The following CIITA variants were observed in gnomAD, a reference collection of about 807,000 sequenced individuals.
CIITA encodes the protein MHC class II transactivator.
CIITA carries 72 observed loss-of-function variants against 115.1 expected under a neutral mutation model. That is an observed-to-expected ratio of 0.63 (90% confidence interval 0.52 to 0.76). CIITA has a LOEUF of 0.76. CIITA is among the 30% of genes least tolerant of loss of function. The pLI, the probability that CIITA is intolerant of heterozygous loss-of-function variation, is 0.00. For missense variants in CIITA, 1,617 were observed against 1,463.8 expected (o/e 1.10, Z -1.71); for synonymous variants, 763 against 635.6 (o/e 1.20, Z -3.02).
At chr16:10,940,108 G>GCC (rs2041081683), downstream of CIITA, 1 of 152,220 alleles carries the variant, frequency 6.6e-6, no homozygotes. The surrounding 1 kb of genome is among the most constrained non-coding windows in gnomAD (Gnocchi z 4.2). Context: ...CATTAGGAGA[G>GCC]CCCTCTGCCG....
intron 13 of CIITA, among the ~76,000 whole-genome samples, chr16:10,912,990 G>A (rs143038708): frequency 7.9e-5 from 12 of 152,360 alleles, no homozygotes; most frequent in African/African-American, 2.6e-4. Context: ...CAGGGACTTC[G>A]TTTGTACACA....
intron 1 of CIITA, among the ~76,000 whole-genome samples, chr16:10,891,282 G>A (rs907617056): frequency 4.0e-5 from 6 of 151,780 alleles, no homozygotes; most frequent in East Asian, 1.9e-4. Flanking sequence ...CAGGGGGAGT[G>A]GGGGAGAAGG....
chr16:10,913,942 A>AAAATAAATAAAT (rs59779472), intron 13 of CIITA, among the ~76,000 whole-genome samples: 13,632 of 132,986 alleles, frequency 0.1, 1,135 homozygotes, highest in Admixed American at 0.28. Flanking sequence ...CCCCATCTCA[A>AAAATAAATAAAT]AAATAAATAA....
In CIITA at chr16:10,916,425, A is replaced by G; in HGVS notation, c.3028A>G (p.Thr1010Ala). Reference protein sequence around the residue: ...GDEGVSQLSATFPQLKSLETL... With the variant: ...GDEGVSQLSAAFPQLKSLETL... ...CGAGGGTGTCTCGCAGCTCTCAGCC[A>G]CCTTCCCCCAGCTGAAGTCCTTGGA... Residue 1010 changes from threonine (T) to alanine (A), a missense_variant, in exon 15 of 20, where the codon ACC (threonine) becomes GCC (alanine). Coordinates refer to ENST00000324288, the MANE Select transcript of CIITA (RefSeq NM_000246.4). 6.2e-7 allele frequency: 1 copy of G among 1,613,146 alleles called. No individual in the cohort carries two copies.
At chr16:10,866,371 G>C (rs749818102) in intron 1 of CIITA, 1 of 567,998 alleles carries the variant, frequency 1.8e-6, no homozygotes, top group Non-Finnish European at 3.5e-6. Flanking sequence ...GGCCCTCTTG[G>C]ACAACCTGCT....
intron 1 of CIITA, among the ~76,000 whole-genome samples, chr16:10,870,352 T>C (rs928342763): frequency 1.3e-5 from 2 of 152,128 alleles, no homozygotes; most frequent in South Asian, 2.1e-4. Flanking sequence ...GAAAGCCCAG[T>C]TCTGGAGATG....
intron 1 of CIITA, among the ~76,000 whole-genome samples, chr16:10,894,589 T>C (rs986261836): frequency 3.9e-5 from 6 of 152,364 alleles, no homozygotes; most frequent in Admixed American, 6.5e-5. Flanking sequence ...TGGGATTGTT[T>C]AAAGATTAAA....
At position 10,924,116 on chromosome 16, in the gene CIITA, C is replaced by T. The variant is rs45447897; in HGVS notation, c.*261C>T. The T allele has an allele frequency of 0.01, 1,595 of 152,574 alleles. 16 individuals are homozygous for T. Among genetic ancestry groups the T allele is most frequent in the Non-Finnish European group, 0.018 (1,204 of 68,202 alleles). The allele number at this position is 152,574 out of a possible 1,614,324, so 9.5% of individuals were successfully genotyped here. A position where few individuals can be genotyped will look rare whatever the true frequency, so the allele number is the denominator to read the frequency against. On this transcript the variant is annotated 3_prime_UTR_variant, in exon 20 of 20. Transcript: ENST00000324288. ...GATGCCTGGTGGCAGCTGCGGTCCA[C>T]CCAGGAGCCCCGAGGCCTTCTCTGA... is the stretch of plus-strand genomic sequence containing the variant.
chr16:10,903,669 C>T (rs1355911380), intron 8 of CIITA, 62 bp from the exon 9 acceptor site: 1 of 1,586,148 alleles, frequency 6.3e-7, no homozygotes, highest in Non-Finnish European at 8.7e-7. Flanking sequence ...TAGGGGTGAC[C>T]CAAGTGCATT....
chr16:10,915,545 C>T, intron 13 of CIITA, 25 bp from the exon 14 acceptor site: 1 of 1,594,718 alleles, frequency 6.3e-7, no homozygotes, highest in Non-Finnish European at 8.6e-7. Context: ...GACTGGAGGT[C>T]TTACCCTTGC....
chr16:10,913,581 T>G (rs1220599098), intron 13 of CIITA: 3 of 149,216 alleles, frequency 2.0e-5, no homozygotes, highest in Non-Finnish European at 4.4e-5. Context: ...CCCAAAGTGC[T>G]GGGATTACAG....
intron 1 of CIITA, among the ~76,000 whole-genome samples, chr16:10,890,658 T>A (rs1356188499): frequency 1.3e-5 from 2 of 152,150 alleles, no homozygotes; most frequent in African/African-American, 2.4e-5. Context: ...AAGCTCGGCT[T>A]CACAAAGTTT....
In CIITA at chr16:10,907,750, G is replaced by T; in HGVS notation, c.2258G>T (p.Gly753Val). 1 of 1,614,264 alleles carries T rather than the reference G, an allele frequency of 6.2e-7. No homozygotes were observed. The highest frequency in any genetic ancestry group is 2.2e-5 in the East Asian group (1 of 44,886). ...KKRPYDNWLE[G>V]VPRFLAGLIF... is the part of the protein sequence containing the mutation. ...AGGCCCTATGACAACTGGCTGGAGG[G>T]CGTGCCACGCTTTCTGGCTGGGCTG... The change falls in exon 11 of 20, where the codon GGC becomes GTC. Residue 753 changes from glycine to valine, a missense_variant. Transcript: ENST00000324288. This position sits in a 1 kb window ranked among gnomAD's most constrained non-coding sequence, Gnocchi z 5.0.
chr16:10,905,962 C>A (rs755891797), intron 10 of CIITA, among the ~76,000 whole-genome samples: 1 of 151,848 alleles, frequency 6.6e-6, no homozygotes, highest in African/African-American at 2.4e-5. Flanking sequence ...CAAGGCGGAA[C>A]GATTGCTTGA....
intron 18 of CIITA, among the ~76,000 whole-genome samples, 177 bp downstream of exon 18, chr16:10,922,667 T>C (rs1005231464): frequency 1.3e-5 from 2 of 152,074 alleles, no homozygotes; most frequent in African/African-American, 4.8e-5. Context: ...AGTAATAATA[T>C]CCACCCAAGA....
chr16:10,913,920 GAC>G (rs1458062567), intron 13 of CIITA, among the ~76,000 whole-genome samples: 2 of 127,982 alleles, frequency 1.6e-5, no homozygotes, highest in African/African-American at 6.0e-5. Context: ...CAGCTTGGAT[GAC>G]AGAGTGAGAC....
At chr16:10,917,504 C>T (rs1194686743) in intron 15 of CIITA, among the ~76,000 whole-genome samples, 1 of 138,516 alleles carries the variant, frequency 7.2e-6, no homozygotes, top group Non-Finnish European at 1.5e-5. Context: ...TTTTTTGACA[C>T]GGAGTCTCGC....
rs774354675 is a variant in CIITA, at chr16:10,901,995, C to T, written c.482-43C>T. The T allele has an allele frequency of 3.0e-5, 49 of 1,612,302 alleles. No individual in the cohort carries two copies. The highest frequency in any genetic ancestry group is 3.9e-5 in the Non-Finnish European group (46 of 1,179,794). Reference sequence around the variant, plus strand: ...AGGGCCCTCCCCATCCCAGGAAGGCCCCTCCAAGCACCCAGTCTCTAACAC... The same window carrying T: ...AGGGCCCTCCCCATCCCAGGAAGGCTCCTCCAAGCACCCAGTCTCTAACAC... On this transcript the variant is annotated intron_variant, in intron 6 of 19. Coordinates refer to ENST00000324288, the MANE Select transcript of CIITA (RefSeq NM_000246.4). This position sits in a 1 kb window ranked among gnomAD's most constrained non-coding sequence, Gnocchi z 6.8.
rs761243126 is a variant in CIITA, at chr16:10,922,181, G to A, written c.3164G>A (p.Cys1055Tyr). ...SLLRLSLYNNCICDVGAESLA... is the reference protein window; with the variant it reads ...SLLRLSLYNNYICDVGAESLA... ...GTTTCCGACAGCTTGTACAATAACT[G>A]CATCTGCGACGTGGGAGCCGAGAGC... is the stretch of plus-strand genomic sequence containing the variant. The change falls in exon 17 of 20, where the codon TGC becomes TAC. Residue 1055 changes from cysteine to tyrosine, a missense_variant. Transcript: ENST00000324288. The A allele has an allele frequency of 1.2e-6, 2 of 1,614,218 alleles. No individual in the cohort carries two copies. Among genetic ancestry groups the A allele is most frequent in the South Asian group, 1.1e-5 (1 of 91,082 alleles).
Sources: allele counts gnomAD v4.1 joint callset (sites outside exome capture counted in the v4.1 genomes callset), GRCh38; gene constraint gnomAD v4.1.1; non-coding constraint Gnocchi (gnomAD v3.1); transcripts MANE v1.5; gene names NCBI Gene and HGNC (gene_info 2026-07-23, HGNC 2026-07-21).